The following GSAP variants were observed in gnomAD, a reference collection of about 807,000 sequenced individuals.
The protein encoded by GSAP is gamma-secretase-activating protein.
Under a neutral mutation model 131.7 loss-of-function variants are expected in GSAP, and 118 were observed. That is an observed-to-expected ratio of 0.90 (90% CI 0.77 to 1.04). The LOEUF (loss-of-function observed/expected upper bound fraction) is 1.04, where lower values mean the gene tolerates loss of function less well. Among genes scored for constraint, GSAP ranks in the 50% least tolerant of loss-of-function variants. The probability of loss-of-function intolerance (pLI) is 0.00; values close to 1 mark genes in which losing one functional copy is unlikely to be tolerated. For missense variants in GSAP, 1,019 were observed against 1,013.2 expected (o/e 1.01, Z -0.08); for synonymous variants, 381 against 363.4 (o/e 1.05, Z -0.55).
chr7:77,376,873 T>G lies in GSAP; in HGVS notation c.716A>C (p.Tyr239Ser), dbSNP rs375894900. The stretch of plus-strand genomic sequence containing the variant: ...CATTAAGTTATAGCTCTCATCAGCA[T>G]AAAACTGGATACATTTTAAGATACT... ...SRSILKCIQF[Y>S]ADESYNLMFE... is the part of the protein sequence containing the mutation. The change falls in exon 10 of 31, where the codon TAT (tyrosine) becomes TCT (serine). Residue 239 changes from tyrosine to serine, a missense_variant. Tyr to Ser is a moderately radical substitution (Grantham distance 144, BLOSUM62 -2). Coordinates refer to ENST00000257626, the MANE Select transcript of GSAP (RefSeq NM_017439.4). The G allele has an allele frequency of 2.7e-6, 4 of 1,490,682 alleles. No homozygotes were observed. Among genetic ancestry groups the G allele is most frequent in the Non-Finnish European group, 3.7e-6 (4 of 1,088,230 alleles). The allele number at this position is 1,490,682 out of a possible 1,614,324, so 92.3% of individuals were successfully genotyped here.
intron 20 of GSAP, chr7:77,329,973 C>A: frequency 4.0e-6 from 1 of 251,534 alleles, no homozygotes; most frequent in Non-Finnish European, 7.6e-6. Context: ...AACCTGAGAA[C>A]ACATCTGAGA....
intron 12 of GSAP, 42 bp downstream of exon 12, chr7:77,374,028 C>T: frequency 9.0e-7 from 1 of 1,111,728 alleles, no homozygotes; most frequent in Non-Finnish European, 1.4e-6. Context: ...GTCTAGAACT[C>T]AAATACGGTT....
chr7:77,364,800 G>GA (rs935019828), intron 12 of GSAP, among the ~76,000 whole-genome samples: 3 of 151,972 alleles, frequency 2.0e-5, no homozygotes, highest in African/African-American at 7.3e-5. Flanking sequence ...ATCCCAAAGG[G>GA]AAAAAAAGAC....
At chr7:77,354,865 G>T (rs1793420387) in intron 16 of GSAP, among the ~76,000 whole-genome samples, 1 of 152,142 alleles carries the variant, frequency 6.6e-6, no homozygotes, top group African/African-American at 2.4e-5. Context: ...TCTGCCACCA[G>T]ATTTTAGTCC....
chr7:77,406,465 G>A (rs1395441853), intron 1 of GSAP, among the ~76,000 whole-genome samples: 1 of 152,184 alleles, frequency 6.6e-6, no homozygotes, highest in African/African-American at 2.4e-5. Context: ...TATGCATTTT[G>A]AGGATATATC....
chr7:77,326,408 C>G (rs1187656746), intron 22 of GSAP, 135 bp from the exon 23 acceptor site: 13 of 609,076 alleles, frequency 2.1e-5, no homozygotes, highest in Non-Finnish European at 3.5e-5. Flanking sequence ...TTTTCATCAC[C>G]TAAGTGTGAC....
At chr7:77,377,194 G>A in intron 9 of GSAP, 92 bp downstream of exon 9, 1 of 1,208,000 alleles carries the variant, frequency 8.3e-7, no homozygotes, top group South Asian at 2.3e-5. Flanking sequence ...TCCAGCCTCA[G>A]CAAGAGAGCA....
chr7:77,398,116 A>G (rs913364361), intron 3 of GSAP, among the ~76,000 whole-genome samples: 2 of 152,234 alleles, frequency 1.3e-5, no homozygotes, highest in Admixed American at 1.3e-4. Context: ...CACCAGTTCT[A>G]TTAGGCAGGC....
chr7:77,416,353 GC>G, upstream of GSAP: 2 of 1,299,012 alleles, frequency 1.5e-6, no homozygotes, highest in Non-Finnish European at 2.0e-6. Context: ...CGGCTCTGGG[GC>G]CCCGCACCGC....
At chr7:77,319,865 G>A (rs1165094868) in intron 26 of GSAP, among the ~76,000 whole-genome samples, 1 of 152,202 alleles carries the variant, frequency 6.6e-6, no homozygotes, top group Non-Finnish European at 1.5e-5. Context: ...AACAGTGCTT[G>A]CCAGGAACCG....
chr7:77,397,150 A>C, intron 4 of GSAP, 115 bp from the exon 5 acceptor site: 1 of 731,516 alleles, frequency 1.4e-6, no homozygotes, highest in Non-Finnish European at 2.3e-6. Context: ...AACGGAAGAT[A>C]AGGGCAGAAC....
Position 77,376,898 on chromosome 7 carries a change from T to A in GSAP, c.691A>T (p.Ser231Cys). ...TAAAACTGGATACATTTTAAGATAC[T>A]CCTTGATTTCTAAAAGAGAAAACAG... is the stretch of plus-strand genomic sequence containing the variant. ...LYYIDLKKSR[S>C]ILKCIQFYAD... is the part of the protein sequence containing the mutation. The change falls in exon 10 of 31, where the codon AGT (serine) becomes TGT (cysteine). Residue 231 changes from serine (S) to cysteine (C), a missense_variant. Coordinates refer to ENST00000257626, the MANE Select transcript of GSAP (RefSeq NM_017439.4). 1 of 1,451,088 alleles carries A rather than the reference T, an allele frequency of 6.9e-7. No individual in the cohort carries two copies. Among genetic ancestry groups the A allele is most frequent in the Non-Finnish European group, 9.4e-7 (1 of 1,060,708 alleles). The allele number at this position is 1,451,088 out of a possible 1,614,324, so 89.9% of individuals were successfully genotyped here.
At chr7:77,397,481 AATTCCC>A (rs1563116276) in intron 3 of GSAP, 66 bp from the exon 4 acceptor site, 2 of 890,562 alleles carry the variant, frequency 2.2e-6, no homozygotes, top group African/African-American at 3.4e-5. Flanking sequence ...TATGAACATA[AATTCCC>A]ATTAAGCTCT....
chr7:77,405,299 C>T (rs889959123), intron 2 of GSAP, among the ~76,000 whole-genome samples: 1 of 151,710 alleles, frequency 6.6e-6, no homozygotes, highest in Middle Eastern at 3.4e-3. Flanking sequence ...GACTCTGTTT[C>T]TAAAAACAAA....
intron 8 of GSAP, among the ~76,000 whole-genome samples, chr7:77,380,658 A>G (rs946809344): frequency 1.3e-5 from 2 of 152,062 alleles, no homozygotes; most frequent in Non-Finnish European, 2.9e-5. Flanking sequence ...GGAGATTAGT[A>G]TTAGTGTGGA....
At chr7:77,359,554 C>T (rs1415313524) in intron 14 of GSAP, among the ~76,000 whole-genome samples, 1 of 152,084 alleles carries the variant, frequency 6.6e-6, no homozygotes, top group African/African-American at 2.4e-5. Context: ...ATATATTACT[C>T]AAAACAATAT....
At chr7:77,313,863 C>G (rs907794123) in intron 27 of GSAP, among the ~76,000 whole-genome samples, 2 of 152,192 alleles carry the variant, frequency 1.3e-5, no homozygotes, top group African/African-American at 4.8e-5. Flanking sequence ...GATTATACTA[C>G]AGAATTTAAA....
chr7:77,416,159 A>T, intron 1 of GSAP, 54 bp downstream of exon 1: 1 of 1,032,904 alleles, frequency 9.7e-7, no homozygotes, highest in African/African-American at 1.7e-5. Flanking sequence ...TCCGGGGGGT[A>T]TGAGGGACTC....
intron 11 of GSAP, 67 bp downstream of exon 11, chr7:77,374,991 C>T (rs189364137): frequency 1.6e-4 from 122 of 757,064 alleles, no homozygotes; most frequent in East Asian, 1.3e-3. Context: ...ATATAATGTA[C>T]GAATAAATAT....
Sources: allele counts gnomAD v4.1 joint callset (sites outside exome capture counted in the v4.1 genomes callset), GRCh38; gene constraint gnomAD v4.1.1; transcripts MANE v1.5; gene names NCBI Gene and HGNC (gene_info 2026-07-23, HGNC 2026-07-21).